Variants in SLC2A12 observed in about 807,000 individuals in gnomAD.
The protein encoded by SLC2A12 is solute carrier family 2, facilitated glucose transporter member 12.
In SLC2A12, 23 loss-of-function variants were observed where a neutral mutation model predicts 41.8. The observed-to-expected ratio is 0.55, with a 90% confidence interval of 0.40 to 0.78. SLC2A12 has a LOEUF of 0.78. SLC2A12 is among the 30% of genes least tolerant of loss of function. The probability of loss-of-function intolerance (pLI) is 0.00; values close to 1 mark genes in which losing one functional copy is unlikely to be tolerated. For missense variants in SLC2A12, 654 were observed against 745.6 expected, an observed-to-expected ratio of 0.88 and a Z score of 1.43; for synonymous variants, 295 against 285.9, an observed-to-expected ratio of 1.03 and a Z score of -0.32.
intron 3 of SLC2A12, among the ~76,000 whole-genome samples, chr6:134,005,312 A>T (rs1269841702): frequency 6.6e-6 from 1 of 152,102 alleles, no homozygotes; most frequent in Non-Finnish European, 1.5e-5. Context: ...TTTCTATACA[A>T]TGCAGTTGAA....
In SLC2A12 at chr6:134,002,277, T is replaced by C. The variant is rs915966123; in HGVS notation, c.1568-148A>G. The C allele has an allele frequency of 1.1e-5, 10 of 875,498 alleles. 1 individual carries two copies. The Admixed American group carries it at 2.6e-4, about 23-fold the overall frequency. 54.2% of individuals were successfully genotyped at this position (875,498 alleles called of 1,614,324 possible). A position where few individuals can be genotyped will look rare whatever the true frequency, so the allele number is the denominator to read the frequency against. On this transcript the variant is annotated intron_variant, in intron 3 of 4. Transcript: ENST00000275230. ...GAAAATAGAAATCACAAATTTAAAA[T>C]GTAGCCAGCTCTGAAGGTGTTACTT...
intron 1 of SLC2A12, among the ~76,000 whole-genome samples, chr6:134,044,713 T>TAAAA (rs35658583): frequency 3.0e-5 from 3 of 100,494 alleles, no homozygotes; most frequent in African/African-American, 7.4e-5. Context: ...AAACTCCGTC[T>TAAAA]AAAAAAAAAA....
At chr6:133,991,387 C>A in intron 4 of SLC2A12, 79 bp from the exon 5 acceptor site, 1 of 1,461,850 alleles carries the variant, frequency 6.8e-7, no homozygotes, top group Non-Finnish European at 9.3e-7. Context: ...ATTTTTTAAA[C>A]CACCCTGGGG....
At chr6:134,032,789 A>AT (rs1472229301) in intron 1 of SLC2A12, among the ~76,000 whole-genome samples, 5 of 87,502 alleles carry the variant, frequency 5.7e-5, no homozygotes, top group South Asian at 3.9e-4. Flanking sequence ...CTATATATAT[A>AT]TATTATATAT....
chr6:134,020,064 C>A (rs892748765), intron 2 of SLC2A12, among the ~76,000 whole-genome samples: 1 of 151,478 alleles, frequency 6.6e-6, no homozygotes, highest in Non-Finnish European at 1.5e-5. Flanking sequence ...TACATGAGTA[C>A]CCCTCCTGGA....
rs1245048359 is a variant in SLC2A12, at chr6:133,989,944, A to G, written c.*1211T>C. The G allele has an allele frequency of 1.3e-5, 2 of 152,236 alleles. No homozygotes were observed. Among genetic ancestry groups the G allele is most frequent in the East Asian group, 3.8e-4 (2 of 5,198 alleles). 9.4% of individuals were successfully genotyped at this position (152,236 alleles called of 1,614,324 possible). A position where few individuals can be genotyped will look rare whatever the true frequency, so the allele number is the denominator to read the frequency against. On this transcript the variant is annotated 3_prime_UTR_variant, in exon 5 of 5. Coordinates refer to ENST00000275230, the MANE Select transcript of SLC2A12 (RefSeq NM_145176.3). ...TTTGTGTGTCTTCCATCACTTAAAT[A>G]TTAGTAATTTAATATGTTATTTGGT...
At chr6:134,026,376 A>G (rs1777112399) in intron 2 of SLC2A12, among the ~76,000 whole-genome samples, 1 of 152,184 alleles carries the variant, frequency 6.6e-6, no homozygotes, top group South Asian at 2.1e-4. Context: ...ACCCAAATCT[A>G]AGGTGTTCCT....
chr6:134,038,095 T>A (rs1428202952), intron 1 of SLC2A12, among the ~76,000 whole-genome samples: 2 of 152,176 alleles, frequency 1.3e-5, no homozygotes, highest in Admixed American at 1.3e-4. Context: ...CAACACCTAT[T>A]ATTATTTGAA....
chr6:134,005,261 T>G (rs1199307488), intron 3 of SLC2A12, among the ~76,000 whole-genome samples: 1 of 152,212 alleles, frequency 6.6e-6, no homozygotes, highest in African/African-American at 2.4e-5. Flanking sequence ...TGTAACATTT[T>G]TTTATGCCTT....
intron 2 of SLC2A12, among the ~76,000 whole-genome samples, chr6:134,008,524 C>T (rs1776841819): frequency 6.6e-6 from 1 of 152,166 alleles, no homozygotes; most frequent in African/African-American, 2.4e-5. Flanking sequence ...TCCCCTGCCC[C>T]TCTCCATGCT....
intron 3 of SLC2A12, among the ~76,000 whole-genome samples, chr6:134,005,659 T>TGA (rs1406443549): frequency 2.8e-3 from 182 of 64,970 alleles, no homozygotes; most frequent in Middle Eastern, 0.015. Context: ...GACTCTGTCT[T>TGA]AAAAAAAAAA....
chr6:134,033,712 C>T (rs1777254517), intron 1 of SLC2A12, among the ~76,000 whole-genome samples: 1 of 152,142 alleles, frequency 6.6e-6, no homozygotes. Context: ...GAAGATTGTC[C>T]TTGCCACCCT....
At chr6:134,001,956 C>T (rs372532282) in intron 4 of SLC2A12, 41 bp downstream of exon 4, 159 of 1,584,876 alleles carry the variant, frequency 1.0e-4, no homozygotes, top group Middle Eastern at 5.8e-4. Flanking sequence ...GCACTTTTGA[C>T]CAAAGAGTAT....
chr6:134,044,043 A>T (rs1777421877), intron 1 of SLC2A12, among the ~76,000 whole-genome samples: 1 of 152,092 alleles, frequency 6.6e-6, no homozygotes, highest in Non-Finnish European at 1.5e-5. Flanking sequence ...TTCTCCAAAC[A>T]TGTTCAAGCT....
At chr6:134,006,648 A>G (rs1455217696) in intron 3 of SLC2A12, among the ~76,000 whole-genome samples, 164 bp downstream of exon 3, 1 of 152,204 alleles carries the variant, frequency 6.6e-6, no homozygotes, top group Non-Finnish European at 1.5e-5. Flanking sequence ...ATAGATTTAC[A>G]TTCAAAACTG....
intron 4 of SLC2A12, among the ~76,000 whole-genome samples, chr6:134,000,611 C>T (rs229911): frequency 1 from 152,254 of 152,334 alleles, 76,087 homozygotes; most frequent in Middle Eastern, 1. Context: ...CTAAATGGAA[C>T]GACGTAATCC....
rs1776562416 is a variant in SLC2A12, at chr6:133,987,967, C to G, written c.*3188G>C. ...GGACCTTTGTTTTTCTGGAAAGACT[C>G]AACACCTGTAGTTGTAGAGAAGTGA... On this transcript the variant is annotated 3_prime_UTR_variant, in exon 5 of 5. Coordinates refer to ENST00000275230, the MANE Select transcript of SLC2A12 (RefSeq NM_145176.3). 1.3e-5 allele frequency: 2 copies of G among 152,072 alleles called. No homozygotes were observed. Among genetic ancestry groups the G allele is most frequent in the Admixed American group, 6.6e-5 (1 of 15,258 alleles). The allele number at this position is 152,072 out of a possible 1,614,324, so 9.4% of individuals were successfully genotyped here. A position where few individuals can be genotyped will look rare whatever the true frequency, so the allele number is the denominator to read the frequency against.
At chr6:133,991,964 G>A (rs969709622) in intron 4 of SLC2A12, among the ~76,000 whole-genome samples, 1 of 152,008 alleles carries the variant, frequency 6.6e-6, no homozygotes, top group African/African-American at 2.4e-5. Flanking sequence ...CGGGGAAGGA[G>A]AAAAAAGGGT....
At chr6:134,028,139 T>A (rs1777138889) in intron 2 of SLC2A12, among the ~76,000 whole-genome samples, 1 of 152,234 alleles carries the variant, frequency 6.6e-6, no homozygotes, top group African/African-American at 2.4e-5. Context: ...TGGTTCATCC[T>A]CAATTAATGG....
Sources: allele counts gnomAD v4.1 joint callset (sites outside exome capture counted in the v4.1 genomes callset), GRCh38; gene constraint gnomAD v4.1.1; transcripts MANE v1.5; gene names NCBI Gene and HGNC (gene_info 2026-07-23, HGNC 2026-07-21).